ATAD5: variants seen among roughly 807,000 people sequenced by gnomAD.
The protein encoded by ATAD5 is ATPase family AAA domain-containing protein 5.
ATAD5 carries 58 observed loss-of-function variants against 176.9 expected under a neutral mutation model. The observed-to-expected ratio is 0.33, with a 90% CI of 0.27 to 0.41. The LOEUF (loss-of-function observed/expected upper bound fraction) is 0.41, where lower values mean the gene tolerates loss of function less well. Among genes scored for constraint, ATAD5 ranks in the 10% least tolerant of loss-of-function variants. ATAD5 has a pLI of 1.00. For missense variants in ATAD5, 1,789 were observed against 2,094.1 expected (o/e 0.85, Z 2.84); for synonymous variants, 640 against 712.6 (o/e 0.90, Z 1.62).
chr17:30,891,620 GC>G (rs1405758347), intron 19 of ATAD5, among the ~76,000 whole-genome samples: 1 of 151,948 alleles, frequency 6.6e-6, no homozygotes, highest in African/African-American at 2.4e-5. Context: ...TGATCCACCC[GC>G]CTCGGCCTCC....
chr17:30,864,968 T>C (rs1907886094), intron 10 of ATAD5: 1 of 151,454 alleles, frequency 6.6e-6, no homozygotes, highest in South Asian at 2.1e-4. Flanking sequence ...TTGCTCAGGC[T>C]GGAGTGCAGT....
intron 12 of ATAD5, 95 bp from the exon 13 acceptor site, chr17:30,869,153 T>A (rs1908191054): frequency 7.1e-7 from 1 of 1,410,006 alleles, no homozygotes; most frequent in African/African-American, 1.4e-5. Flanking sequence ...CAGCATCTAT[T>A]GCAAGAAGTT....
Position 30,832,388 on chromosome 17 carries a change from C to T in ATAD5, c.41C>T (p.Pro14Leu), listed in dbSNP as rs1905434905. The T allele has an allele frequency of 1.9e-6, 3 of 1,562,020 alleles. No individual in the cohort carries two copies. Among genetic ancestry groups the T allele is most frequent in the Middle Eastern group, 1.7e-4 (1 of 5,876 alleles). The change falls in exon 1 of 23, where the codon CCT becomes CTT. Residue 14 changes from proline to leucine, a missense_variant. This residue lies in a region of ATAD5 where 696 missense variants were observed against 712.5 expected (regional missense o/e 0.98). Coordinates refer to ENST00000321990, the MANE Select transcript of ATAD5 (RefSeq NM_024857.5). Reference sequence around the variant, plus strand: ...GCCATGGCGGCTGCAGCTGCTCCGCCTCCCGTGAAGGACTGCGAGATTGAG... The same window carrying T: ...GCCATGGCGGCTGCAGCTGCTCCGCTTCCCGTGAAGGACTGCGAGATTGAG... ...VLAMAAAAAP[P>L]PVKDCEIEPC... is the part of the protein sequence containing the mutation.
rs1909705938 is a variant in ATAD5, at chr17:30,892,746, G to T, written c.4398G>T (p.Lys1466Asn). 3.8e-6 allele frequency: 6 copies of T among 1,578,108 alleles called. No individual in the cohort carries two copies. Among genetic ancestry groups the T allele is most frequent in the Non-Finnish European group, 5.2e-6 (6 of 1,164,612 alleles). Reference sequence around the variant, plus strand: ...GTGCTGAGACCTTGTTTGGCCTTAAGAACATTTTTTCCCCATCTGAAGACT... The same window carrying T: ...GTGCTGAGACCTTGTTTGGCCTTAATAACATTTTTTCCCCATCTGAAGACT... The part of the protein sequence containing the change: ...SGCAETLFGL[K>N]NIFSPSEDLF... The change falls in exon 20 of 23, where the codon AAG becomes AAT. Residue 1466 changes from lysine (K) to asparagine (N), a missense_variant. By Grantham distance (94) the Lys-to-Asn change is moderately conservative. Around this residue, in one of 6 missense-constraint regions of ATAD5, gnomAD observed 403 missense variants for 495.1 expected, o/e 0.81. Coordinates refer to ENST00000321990, the MANE Select transcript of ATAD5 (RefSeq NM_024857.5).
At chr17:30,872,465 C>T (rs992498463) in intron 14 of ATAD5, among the ~76,000 whole-genome samples, 27 of 151,762 alleles carry the variant, frequency 1.8e-4, no homozygotes, top group African/African-American at 6.3e-4. Flanking sequence ...ATTTCCAGAG[C>T]TTTGCCCAGC....
intron 18 of ATAD5, among the ~76,000 whole-genome samples, chr17:30,885,649 G>GTTTTTTTTTTTTTTTTTTTTTT (rs1567699161): frequency 7.9e-6 from 1 of 126,962 alleles, no homozygotes. Flanking sequence ...TTTTTTTTTG[G>GTTTTTTTTTTTTTTTTTTTTTT]TTGAGATGGA....
intron 5 of ATAD5, 80 bp downstream of exon 5, chr17:30,844,119 G>GTATTTATT (rs376234876): frequency 1.7e-6 from 2 of 1,143,208 alleles, no homozygotes; most frequent in African/African-American, 3.2e-5. Context: ...GTGTTCTGGG[G>GTATTTATT]TATTTATTTA....
intron 6 of ATAD5, 58 bp downstream of exon 6, chr17:30,844,974 ATG>A: frequency 7.2e-7 from 1 of 1,379,480 alleles, no homozygotes; most frequent in Admixed American, 2.4e-5. Flanking sequence ...ATTTGTATTG[ATG>A]TGTTTACTTT....
chr17:30,853,572 G>T lies in ATAD5; in HGVS notation c.2451-1571G>T, dbSNP rs563194621. Reference sequence around the variant, plus strand: ...CCTTCATTTCACTCAAAGAGGAAAAGAAAACAGAAATACAGAAAAAGTTTT... The same window carrying T: ...CCTTCATTTCACTCAAAGAGGAAAATAAAACAGAAATACAGAAAAAGTTTT... On this transcript the variant is annotated intron_variant, in intron 6 of 22. Transcript: ENST00000321990. Among the ~76,000 whole-genome samples the T allele has an allele frequency of 2.0e-5, 3 of 152,256 alleles. No homozygotes were observed. The South Asian group carries it at 6.2e-4, about 32-fold the overall frequency.
intron 18 of ATAD5, among the ~76,000 whole-genome samples, chr17:30,886,628 C>A (rs1021737673): frequency 1.3e-4 from 20 of 151,792 alleles, no homozygotes; most frequent in African/African-American, 4.1e-4. Context: ...AATTTCTTGG[C>A]CAGGCACAGT....
rs142908589 is a variant in ATAD5 at position 30,852,975 on chromosome 17, G to A, written c.2451-2168G>A. Among the ~76,000 whole-genome samples, 9 of 150,578 alleles carry A rather than the reference G, an allele frequency of 6.0e-5. No individual in the cohort carries two copies. In the East Asian group the frequency reaches 1.4e-3, roughly 23 times the overall value. On this transcript the variant is annotated intron_variant, in intron 6 of 22. Transcript: ENST00000321990. Reference sequence around the variant, plus strand: ...ATGATCTCGACTCACTGCAACTTCCGCCTCCTAGGTTAAAGCAATTCTCCC... The same window carrying A: ...ATGATCTCGACTCACTGCAACTTCCACCTCCTAGGTTAAAGCAATTCTCCC...
rs559970192 is a variant in ATAD5 at position 30,857,867 on chromosome 17, T to C, written c.2794-294T>C. ...GCGATCCTCCTGCCTCAGCTCCCCCTAGTAGCTGGAATTACAGGCACACGC... is the reference window on the plus strand; with the variant it reads ...GCGATCCTCCTGCCTCAGCTCCCCCCAGTAGCTGGAATTACAGGCACACGC... On this transcript the variant is annotated intron_variant, in intron 8 of 22. Coordinates refer to ENST00000321990, the MANE Select transcript of ATAD5 (RefSeq NM_024857.5). Among the ~76,000 whole-genome samples the C allele has an allele frequency of 5.3e-5, 8 of 150,782 alleles. No individual in the cohort carries two copies. The East Asian group carries it at 1.6e-3, about 30-fold the overall frequency.
chr17:30,879,633 G>A (rs1049805234), intron 18 of ATAD5, 146 bp downstream of exon 18: 2 of 694,720 alleles, frequency 2.9e-6, no homozygotes, highest in East Asian at 7.1e-5. Flanking sequence ...CGCGATCTTG[G>A]CTCACTGCAA....
Position 30,893,627 on chromosome 17 carries a change from C to T in ATAD5, c.4774C>T (p.Leu1592=), listed in dbSNP as rs1230436272. 2.5e-6 allele frequency: 4 copies of T among 1,613,792 alleles called. No homozygotes were observed. In the Admixed American group the frequency reaches 5.0e-5, roughly 20 times the overall value. ...DLDFPDQSIS[L]SSVSSSSNAE... ...GGACTTTCCTGATCAATCTATTAGCCTGTCCTCTGTATCATCTTCCTCAAA... is the reference window on the plus strand; with the variant it reads ...GGACTTTCCTGATCAATCTATTAGCTTGTCCTCTGTATCATCTTCCTCAAA... The change falls in exon 21 of 23, where the codon CTG becomes TTG. Residue 1592 remains leucine, a synonymous_variant. Transcript: ENST00000321990.
chr17:30,860,761 C>A, intron 10 of ATAD5, 149 bp downstream of exon 10: 1 of 740,916 alleles, frequency 1.3e-6, no homozygotes, highest in Non-Finnish European at 2.0e-6. Flanking sequence ...TTTTTTGAGA[C>A]ACAGTTTCTC....
Position 30,846,398 on chromosome 17 carries a change from T to G in ATAD5, c.2450+1482T>G, listed in dbSNP as rs796326386. On this transcript the variant is annotated intron_variant, in intron 6 of 22. Transcript: ENST00000321990. ...CCATTTTAAGTAAAGAGTTTGAGGT[T>G]TTTTTTTTTTTCTTTTTTTTTTTTA... is the stretch of plus-strand genomic sequence containing the variant. Among the ~76,000 whole-genome samples the G allele has an allele frequency of 4.2e-3, 241 of 57,488 alleles. No homozygotes were observed. In the African/African-American group the frequency reaches 0.048, roughly 11 times the overall value. 37.7% of individuals were successfully genotyped at this position (57,488 alleles called of 152,430 possible).
intron 2 of ATAD5, among the ~76,000 whole-genome samples, chr17:30,836,747 T>C (rs1251817098): frequency 1.3e-5 from 2 of 151,902 alleles, no homozygotes; most frequent in Non-Finnish European, 2.9e-5. Context: ...TTTGTATTTT[T>C]AGTAGAGACG....
At chr17:30,854,421 G>C (rs1222241923) in intron 6 of ATAD5, among the ~76,000 whole-genome samples, 3 of 142,006 alleles carry the variant, frequency 2.1e-5, no homozygotes, top group Non-Finnish European at 3.0e-5. Context: ...ACCCAGGCTG[G>C]AGTGAAGTGG....
At chr17:30,836,118 A>T in intron 2 of ATAD5, 70 bp downstream of exon 2, 1 of 1,337,654 alleles carries the variant, frequency 7.5e-7, no homozygotes. Context: ...AAAATGCTTC[A>T]AGTATTGGAG....
Sources: allele counts gnomAD v4.1 joint callset (sites outside exome capture counted in the v4.1 genomes callset), GRCh38; gene constraint gnomAD v4.1.1; regional missense constraint gnomAD v4.1.1; transcripts MANE v1.5; gene names NCBI Gene and HGNC (gene_info 2026-07-23, HGNC 2026-07-21).